The following SYCP1 variants were observed in gnomAD, a reference collection of about 807,000 sequenced individuals.
The protein encoded by SYCP1 is cancer/testis antigen 8.
In SYCP1, 64 loss-of-function variants were observed where a neutral mutation model predicts 153.1. The ratio of observed to expected loss-of-function variants is 0.42; its 90% CI spans 0.34 to 0.51. The LOEUF is 0.51. Ranked by LOEUF, SYCP1 falls within the 20% of genes least tolerant of loss-of-function variation. The pLI, the probability that SYCP1 is intolerant of heterozygous loss-of-function variation, is 0.06. For missense variants in SYCP1, 997 were observed against 1,049.0 expected (o/e 0.95, Z 0.68); for synonymous variants, 384 against 341.8 (o/e 1.12, Z -1.36).
Position 114,981,324 on chromosome 1 carries a change from T to C in SYCP1, c.2383-12T>C. The C allele has an allele frequency of 6.4e-7, 1 of 1,554,270 alleles. No individual in the cohort carries two copies. The highest frequency in any genetic ancestry group is 8.7e-7 in the Non-Finnish European group (1 of 1,149,250). On this transcript the variant is annotated splice_polypyrimidine_tract_variant and intron_variant, in intron 28 of 31. Transcript: ENST00000369522. ...TAGTGATGGTTTTATTCATTCTTGT[T>C]GTTCAATGCAGAAAACACAAACATT...
At chr1:114,941,936 T>C (rs1171239542) in intron 23 of SYCP1, among the ~76,000 whole-genome samples, 1 of 152,158 alleles carries the variant, frequency 6.6e-6, no homozygotes, top group East Asian at 1.9e-4. Context: ...ATCCTTAGGA[T>C]ATCTCATTAG....
At chr1:114,861,399 A>T (rs1664365964) in intron 8 of SYCP1, among the ~76,000 whole-genome samples, 4 of 152,164 alleles carry the variant, frequency 2.6e-5, no homozygotes, top group Admixed American at 2.6e-4. Flanking sequence ...ATAATTCTTT[A>T]TTTTTGCCAT....
At chr1:114,971,229 G>A (rs1049427209) in intron 27 of SYCP1, among the ~76,000 whole-genome samples, 1 of 152,154 alleles carries the variant, frequency 6.6e-6, no homozygotes, top group African/African-American at 2.4e-5. Context: ...TCAGGTGGGG[G>A]CAGGGTTAGG....
rs180718176 is a variant in SYCP1 at position 114,979,610 on chromosome 1, A to G, written c.2383-1726A>G. Among the ~76,000 whole-genome samples the G allele has an allele frequency of 7.3e-3, 1,115 of 151,892 alleles. 12 individuals are homozygous for G. The highest frequency in any genetic ancestry group is 0.01 in the Non-Finnish European group (709 of 67,782). On this transcript the variant is annotated intron_variant, in intron 28 of 31. Coordinates refer to ENST00000369522, the MANE Select transcript of SYCP1 (RefSeq NM_003176.4). ...CCCCTGATGAATCCAGAGAGCAGTA[A>G]AAAAATTGCTCTCATCAAAATTTTG...
Position 114,873,423 on chromosome 1 carries a change from G to A in SYCP1, c.599-1083G>A, listed in dbSNP as rs796390924. ...ATGGGACAAGGTGGTAGAGTGGGCT[G>A]CAGTTGGGAATTTCCCATTTTCCAT... On this transcript the variant is annotated intron_variant, in intron 8 of 31. Transcript: ENST00000369522. Among the ~76,000 whole-genome samples, 11 of 152,284 alleles carry A rather than the reference G, an allele frequency of 7.2e-5. No individual in the cohort carries two copies. The East Asian group carries it at 2.1e-3, about 29-fold the overall frequency.
intron 16 of SYCP1, among the ~76,000 whole-genome samples, chr1:114,897,480 A>T (rs979462496): frequency 4.6e-5 from 7 of 152,014 alleles, no homozygotes; most frequent in Non-Finnish European, 1.0e-4. Flanking sequence ...GGTAAGAAAA[A>T]CTTTTACCCT....
chr1:114,991,925 A>T (rs1399788013), intron 30 of SYCP1, among the ~76,000 whole-genome samples: 1 of 151,884 alleles, frequency 6.6e-6, no homozygotes, highest in African/African-American at 2.4e-5. Flanking sequence ...TAAGAAAGCT[A>T]TTAGAGCTAA....
At chr1:114,892,642 C>T (rs1490911009) in intron 15 of SYCP1, among the ~76,000 whole-genome samples, 1 of 152,022 alleles carries the variant, frequency 6.6e-6, no homozygotes, top group Non-Finnish European at 1.5e-5. Flanking sequence ...TGCTTTGGCT[C>T]CAGCAGCAGC....
intron 12 of SYCP1, among the ~76,000 whole-genome samples, chr1:114,882,519 C>T (rs1666022354): frequency 6.6e-6 from 1 of 151,892 alleles, no homozygotes; most frequent in Non-Finnish European, 1.5e-5. Flanking sequence ...GTTGTCTTTT[C>T]TTTAAATATA....
At chr1:114,962,471 A>G (rs982823279) in intron 27 of SYCP1, among the ~76,000 whole-genome samples, 11 of 152,188 alleles carry the variant, frequency 7.2e-5, no homozygotes, top group Admixed American at 7.2e-4. Context: ...TGATGTAAGA[A>G]TAACTATTCT....
At position 114,921,216 on chromosome 1, in the gene SYCP1, C is replaced by T. The variant is rs140459182; in HGVS notation, c.1719-2233C>T. 4.5e-4 allele frequency among the ~76,000 whole-genome samples: 69 copies of T among 152,110 alleles called. No homozygotes were observed. In the East Asian group the frequency reaches 0.011, roughly 25 times the overall value. ...ATAACCCATTATTTTAAACTGATGACAAGTTAACTGATTGCATAAGCAAAT... is the reference window on the plus strand; with the variant it reads ...ATAACCCATTATTTTAAACTGATGATAAGTTAACTGATTGCATAAGCAAAT... On this transcript the variant is annotated intron_variant, in intron 20 of 31. Coordinates refer to ENST00000369522, the MANE Select transcript of SYCP1 (RefSeq NM_003176.4).
intron 27 of SYCP1, among the ~76,000 whole-genome samples, chr1:114,958,313 G>A (rs1056449845): frequency 1.3e-5 from 2 of 152,084 alleles, no homozygotes; most frequent in Non-Finnish European, 2.9e-5. Context: ...GGGATGAAGA[G>A]GGATTGATTA....
At chr1:114,951,187 T>C (rs1671085489) in intron 27 of SYCP1, among the ~76,000 whole-genome samples, 1 of 152,194 alleles carries the variant, frequency 6.6e-6, no homozygotes, top group Admixed American at 6.5e-5. Context: ...AAGGAAAATG[T>C]TGATGGAATT....
In SYCP1 at chr1:114,942,287, G is replaced by A. The variant is rs139932596; in HGVS notation, c.1927-2052G>A. 1.1e-3 allele frequency among the ~76,000 whole-genome samples: 171 copies of A among 151,962 alleles called. 2 individuals are homozygous for A. Among genetic ancestry groups the A allele is most frequent in the African/African-American group, 3.9e-3 (163 of 41,504 alleles). On this transcript the variant is annotated intron_variant, in intron 23 of 31. Coordinates refer to ENST00000369522, the MANE Select transcript of SYCP1 (RefSeq NM_003176.4). ...TTACTGTCAACATTAAATTTTGTCC[G>A]CAACATACCTATCTTTTAAGAATGT...
chr1:114,917,024 T>TA (rs1195685992), intron 20 of SYCP1, among the ~76,000 whole-genome samples: 3 of 152,160 alleles, frequency 2.0e-5, no homozygotes, highest in African/African-American at 4.8e-5. Flanking sequence ...CTTTTACTTT[T>TA]AAAAAAAGTA....
intron 29 of SYCP1, among the ~76,000 whole-genome samples, chr1:114,984,340 G>A (rs544849898): frequency 9.2e-5 from 14 of 152,118 alleles, no homozygotes; most frequent in African/African-American, 2.9e-4. Flanking sequence ...ATGTAATAAG[G>A]TGTTTTGTAG....
intron 27 of SYCP1, among the ~76,000 whole-genome samples, chr1:114,970,887 T>C (rs1375189892): frequency 6.6e-6 from 1 of 152,214 alleles, no homozygotes; most frequent in African/African-American, 2.4e-5. Flanking sequence ...TCTCAAATGC[T>C]GGTTATGCTG....
rs1665997061 is a variant in SYCP1, at chr1:114,882,177, C to T, written c.911-3358C>T. ...TCCAACCTGGGTGGCAGAGTGAGACCCTGTCTCAAAACAAACAAACAAACA... is the reference window on the plus strand; with the variant it reads ...TCCAACCTGGGTGGCAGAGTGAGACTCTGTCTCAAAACAAACAAACAAACA... On this transcript the variant is annotated intron_variant, in intron 12 of 31. Transcript: ENST00000369522. Among the ~76,000 whole-genome samples, 3 of 149,994 alleles carry T rather than the reference C, an allele frequency of 2.0e-5. No homozygotes were observed. In the South Asian group the frequency reaches 6.3e-4, roughly 31 times the overall value.
Position 114,946,159 on chromosome 1 carries a change from TAA to T in SYCP1, c.2155-129_2155-128del, listed in dbSNP as rs1462032605. 2.1e-5 allele frequency: 6 copies of T among 286,564 alleles called. No homozygotes were observed. The East Asian group carries it at 3.4e-4, about 16-fold the overall frequency. The allele number at this position is 286,564 out of a possible 1,614,324, so 17.8% of individuals were successfully genotyped here. A position where few individuals can be genotyped will look rare whatever the true frequency, so the allele number is the denominator to read the frequency against. On this transcript the variant is annotated intron_variant, in intron 25 of 31. Coordinates refer to ENST00000369522, the MANE Select transcript of SYCP1 (RefSeq NM_003176.4). ...ATATATATTACTGAATTTATAAACA[TAA>T]GTTTCTGCAAAATTAAATACTAAAT...
Sources: allele counts gnomAD v4.1 joint callset (sites outside exome capture counted in the v4.1 genomes callset), GRCh38; gene constraint gnomAD v4.1.1; transcripts MANE v1.5; gene names NCBI Gene and HGNC (gene_info 2026-07-23, HGNC 2026-07-21).